Variants in SSBP2 observed in about 807,000 individuals in gnomAD.
The protein encoded by SSBP2 is single stranded DNA binding protein 2, also known as single-stranded DNA-binding protein 2.
A neutral mutation model predicts 61.8 loss-of-function variants in SSBP2; 17 were observed. The observed-to-expected ratio is 0.28, with a 90% confidence interval of 0.19 to 0.41. The LOEUF (loss-of-function observed/expected upper bound fraction) is 0.41, where lower values mean the gene tolerates loss of function less well. SSBP2 is among the 10% of genes least tolerant of loss of function. The pLI is 1.00. For missense variants in SSBP2, 310 were observed against 458.7 expected (o/e 0.68, Z 2.96); for synonymous variants, 139 against 141.3 (o/e 0.98, Z 0.12).
At chr5:81,691,026 T>G (rs776996788) in intron 1 of SSBP2, among the ~76,000 whole-genome samples, 15 of 152,120 alleles carry the variant, frequency 9.9e-5, no homozygotes, top group Non-Finnish European at 1.6e-4. Context: ...AAACAAATGA[T>G]AATGGGAACA....
At chr5:81,421,273 C>T (rs1177727724) in intron 16 of SSBP2, among the ~76,000 whole-genome samples, 29 of 152,166 alleles carry the variant, frequency 1.9e-4, no homozygotes, top group Non-Finnish European at 4.1e-4. Flanking sequence ...CTCACTGCAA[C>T]CCTGACCTTC....
intron 1 of SSBP2, among the ~76,000 whole-genome samples, chr5:81,696,886 A>C (rs1268294622): frequency 6.6e-6 from 1 of 152,198 alleles, no homozygotes; most frequent in African/African-American, 2.4e-5. Flanking sequence ...CTCACCTGGC[A>C]TCTGGCACAC....
intron 1 of SSBP2, among the ~76,000 whole-genome samples, chr5:81,714,122 T>C (rs1001337448): frequency 2.6e-5 from 4 of 152,184 alleles, no homozygotes; most frequent in African/African-American, 9.7e-5. Context: ...ATGTTCTCAT[T>C]GTTCAGCTTC....
At chr5:81,504,118 T>C (rs1004590807) in intron 5 of SSBP2, among the ~76,000 whole-genome samples, 2 of 152,148 alleles carry the variant, frequency 1.3e-5, no homozygotes, top group Non-Finnish European at 2.9e-5. Context: ...CCAGCACATG[T>C]ACCCCTGAAT....
chr5:81,688,977 AAC>A (rs1753016697), intron 1 of SSBP2, among the ~76,000 whole-genome samples: 1 of 152,226 alleles, frequency 6.6e-6, no homozygotes, highest in Non-Finnish European at 1.5e-5. Flanking sequence ...AATTAAAGAA[AAC>A]ACAGAGAAGG....
At chr5:81,467,121 C>A (rs780545402) in intron 8 of SSBP2, 56 bp from the exon 9 acceptor site, 4 of 1,115,066 alleles carry the variant, frequency 3.6e-6, no homozygotes, top group East Asian at 4.8e-5. Context: ...AAGGAGAGCA[C>A]GTTAATGATT....
At chr5:81,669,620 T>G (rs896067423) in intron 1 of SSBP2, among the ~76,000 whole-genome samples, 20 of 151,700 alleles carry the variant, frequency 1.3e-4, no homozygotes, top group Non-Finnish European at 2.5e-4. Flanking sequence ...CATGGACACA[T>G]GATGGGGAAC....
chr5:81,533,854 A>G (rs1770598988), intron 4 of SSBP2, among the ~76,000 whole-genome samples: 1 of 152,064 alleles, frequency 6.6e-6, no homozygotes, highest in African/African-American at 2.4e-5. Context: ...ACTCAGTCAC[A>G]GGGGGATCTC....
intron 4 of SSBP2, among the ~76,000 whole-genome samples, chr5:81,596,184 T>C (rs1425996605): frequency 4.6e-5 from 7 of 152,152 alleles, no homozygotes; most frequent in Non-Finnish European, 7.3e-5. Flanking sequence ...AGCATTCTTA[T>C]ACACCAGTAA....
At chr5:81,459,105 T>C (rs1764361657) in intron 10 of SSBP2, among the ~76,000 whole-genome samples, 1 of 152,206 alleles carries the variant, frequency 6.6e-6, no homozygotes, top group Non-Finnish European at 1.5e-5. Context: ...AGCAGTTTGA[T>C]GTGTACAGCT....
intron 4 of SSBP2, among the ~76,000 whole-genome samples, chr5:81,544,550 T>C (rs188190025): frequency 5.6e-4 from 86 of 152,292 alleles, no homozygotes; most frequent in African/African-American, 2.0e-3. Context: ...ATTTTGATGA[T>C]TCCACAGAAA....
intron 5 of SSBP2, among the ~76,000 whole-genome samples, chr5:81,489,521 G>A (rs1446243576): frequency 1.3e-5 from 2 of 152,022 alleles, no homozygotes; most frequent in Admixed American, 6.5e-5. Context: ...CAAAGAAAAT[G>A]TAAAAACATA....
intron 4 of SSBP2, among the ~76,000 whole-genome samples, chr5:81,592,502 C>T (rs965601130): frequency 6.6e-6 from 1 of 152,138 alleles, no homozygotes; most frequent in African/African-American, 2.4e-5. Context: ...AGTGGTTCTC[C>T]CAGCATGCAG....
chr5:81,578,622 AAGAT>A (rs1774410599), intron 4 of SSBP2, among the ~76,000 whole-genome samples: 3 of 151,940 alleles, frequency 2.0e-5, no homozygotes, highest in Admixed American at 2.0e-4. Context: ...ATTGATAAAA[AAGAT>A]AGTGATTAAG....
intron 4 of SSBP2, among the ~76,000 whole-genome samples, chr5:81,527,707 A>T (rs1323417262): frequency 2.6e-5 from 4 of 151,660 alleles, no homozygotes; most frequent in African/African-American, 9.7e-5. Flanking sequence ...GGACACAGGG[A>T]GGGGAACATC....
intron 3 of SSBP2, among the ~76,000 whole-genome samples, chr5:81,630,063 T>C (rs1459785139): frequency 6.6e-6 from 1 of 152,174 alleles, no homozygotes; most frequent in Non-Finnish European, 1.5e-5. Context: ...AAATATTCTA[T>C]TAAAAAATGG....
At chr5:81,716,951 C>A (rs1755207821) in intron 1 of SSBP2, among the ~76,000 whole-genome samples, 1 of 152,158 alleles carries the variant, frequency 6.6e-6, no homozygotes, top group Non-Finnish European at 1.5e-5. Flanking sequence ...AATACATGGC[C>A]TGAACTTCAC....
At chr5:81,434,633 CAAAAAAAAAAAAA>C (rs34269591) in intron 15 of SSBP2, among the ~76,000 whole-genome samples, 1 of 43,014 alleles carries the variant, frequency 2.3e-5, no homozygotes, top group Non-Finnish European at 4.1e-5. Flanking sequence ...ACTCTTGACT[CAAAAAAAAAAAAA>C]AAAAAAAAAA....
chr5:81,623,301 T>A (rs58652756), intron 3 of SSBP2, among the ~76,000 whole-genome samples: 7,843 of 151,870 alleles, frequency 0.052, 382 homozygotes, highest in African/African-American at 0.12. Flanking sequence ...AGTATTCCAA[T>A]TGCATTACTT....
Sources: gnomAD v4.1 joint callset for allele counts (sites outside exome capture counted in the v4.1 genomes callset) on GRCh38, gnomAD v4.1.1 for gene constraint, MANE v1.5 for transcripts, NCBI Gene and HGNC (gene_info 2026-07-23, HGNC 2026-07-21) for gene names.